The following LRRTM4 variants were observed in gnomAD, a reference collection of about 807,000 sequenced individuals.
LRRTM4 encodes the protein leucine-rich repeat transmembrane neuronal protein 4.
LRRTM4 carries 25 observed loss-of-function variants against 47.6 expected under a neutral mutation model. The ratio of observed to expected loss-of-function variants is 0.53; its 90% CI spans 0.38 to 0.73. The LOEUF is 0.73. LRRTM4 is among the 30% of genes least tolerant of loss of function. The pLI is 0.00. For synonymous variants in LRRTM4, 311 were observed against 269.5 expected, an observed-to-expected ratio of 1.15 and a Z score of -1.51; for missense variants, 638 against 713.4, an observed-to-expected ratio of 0.89 and a Z score of 1.20.
At chr2:77,244,567 T>C (rs912800578) in intron 3 of LRRTM4, among the ~76,000 whole-genome samples, 1 of 152,114 alleles carries the variant, frequency 6.6e-6, no homozygotes, top group Non-Finnish European at 1.5e-5. Flanking sequence ...GCTTCAGAAA[T>C]AGCCCCCAAG....
chr2:77,026,931 T>C (rs1301476377), intron 3 of LRRTM4, among the ~76,000 whole-genome samples: 1 of 152,152 alleles, frequency 6.6e-6, no homozygotes, highest in Non-Finnish European at 1.5e-5. Flanking sequence ...GGAAAATATA[T>C]GGCACAACTT....
At chr2:76,899,232 C>T (rs1306510253) in intron 3 of LRRTM4, among the ~76,000 whole-genome samples, 1 of 151,292 alleles carries the variant, frequency 6.6e-6, no homozygotes, top group Non-Finnish European at 1.5e-5. Context: ...GATGCTGGGA[C>T]ACAGAAGTGA....
At chr2:76,881,104 A>G (rs1672916060) in intron 3 of LRRTM4, among the ~76,000 whole-genome samples, 1 of 152,148 alleles carries the variant, frequency 6.6e-6, no homozygotes, top group Non-Finnish European at 1.5e-5. Flanking sequence ...TTCCCAACAC[A>G]CAGAAATAAT....
chr2:76,900,741 T>C (rs147411211), intron 3 of LRRTM4, among the ~76,000 whole-genome samples: 9 of 152,338 alleles, frequency 5.9e-5, no homozygotes, highest in African/African-American at 1.9e-4. Flanking sequence ...AGGTGGCATA[T>C]CTATTCAATG....
At chr2:77,179,529 G>A (rs569272674) in intron 3 of LRRTM4, among the ~76,000 whole-genome samples, 5 of 152,002 alleles carry the variant, frequency 3.3e-5, no homozygotes, top group Non-Finnish European at 5.9e-5. Flanking sequence ...ATTACTTGTC[G>A]TTCGTCAGTA....
At chr2:76,911,651 G>A (rs1674059993) in intron 3 of LRRTM4, among the ~76,000 whole-genome samples, 1 of 152,090 alleles carries the variant, frequency 6.6e-6, no homozygotes, top group African/African-American at 2.4e-5. Flanking sequence ...GAGCCAGAGA[G>A]AGAAGAGGTA....
At chr2:77,072,822 A>AAAAC (rs1379948897) in intron 3 of LRRTM4, among the ~76,000 whole-genome samples, 3 of 151,476 alleles carry the variant, frequency 2.0e-5, no homozygotes, top group Non-Finnish European at 2.9e-5. Flanking sequence ...AAAAAAAAAA[A>AAAAC]ACAAAGGCTG....
chr2:76,859,155 A>G (rs1486305820), intron 3 of LRRTM4, among the ~76,000 whole-genome samples: 2 of 152,226 alleles, frequency 1.3e-5, no homozygotes, highest in African/African-American at 4.8e-5. Flanking sequence ...GAAAGGACTG[A>G]AAAGTATCAT....
rs1558668220 is a variant in LRRTM4, at chr2:76,807,941, C to CTTTA, written c.1552-59026_1552-59025insTAAA. 4.5e-3 allele frequency among the ~76,000 whole-genome samples: 605 copies of CTTTA among 133,356 alleles called. 4 individuals are homozygous for CTTTA. The highest frequency in any genetic ancestry group is 6.4e-3 in the Non-Finnish European group (418 of 64,920). The allele number at this position is 133,356 out of a possible 152,430, so 87.5% of individuals were successfully genotyped here. Reference sequence around the variant, plus strand: ...TTCCTTTCTTTCCTTTCCTTTCTTTCTTTCTTTCTTTCTTTTTCTTTTTCT... The same window carrying CTTTA: ...TTCCTTTCTTTCCTTTCCTTTCTTTCTTTATTTCTTTCTTTCTTTTTCTTTTTCT... On this transcript the variant is annotated intron_variant, in intron 3 of 3. Coordinates refer to ENST00000409884, the MANE Select transcript of LRRTM4 (RefSeq NM_001134745.3).
At chr2:77,136,041 T>C (rs531959698) in intron 3 of LRRTM4, among the ~76,000 whole-genome samples, 6 of 152,186 alleles carry the variant, frequency 3.9e-5, no homozygotes, top group African/African-American at 1.4e-4. Flanking sequence ...GATGGCCGAA[T>C]AGGAACAGCT....
intron 3 of LRRTM4, among the ~76,000 whole-genome samples, chr2:77,354,709 C>T (rs1188571484): frequency 1.3e-5 from 2 of 152,132 alleles, no homozygotes; most frequent in Non-Finnish European, 2.9e-5. Context: ...CTCAGAGGTA[C>T]TTTCAGCTCT....
chr2:77,247,542 A>C (rs575471982), intron 3 of LRRTM4, among the ~76,000 whole-genome samples: 34 of 152,188 alleles, frequency 2.2e-4, no homozygotes, highest in Non-Finnish European at 4.7e-4. Context: ...TACTTTGCTG[A>C]ATTCATTGCC....
chr2:77,496,770 G>A (rs538053179), intron 3 of LRRTM4, among the ~76,000 whole-genome samples: 1 of 151,674 alleles, frequency 6.6e-6, no homozygotes, highest in African/African-American at 2.4e-5. Flanking sequence ...GTCTGCTTTT[G>A]CATCATTATA....
intron 3 of LRRTM4, among the ~76,000 whole-genome samples, chr2:77,043,159 T>C (rs562763775): frequency 6.6e-6 from 1 of 151,934 alleles, no homozygotes; most frequent in Middle Eastern, 3.4e-3. Flanking sequence ...TATCTTTCAT[T>C]GTTATTGCTG....
At chr2:76,814,038 C>T (rs888961633) in intron 3 of LRRTM4, among the ~76,000 whole-genome samples, 19 of 152,036 alleles carry the variant, frequency 1.2e-4, no homozygotes, top group African/African-American at 4.3e-4. Context: ...CTCAGACTTT[C>T]CTTACTTTTG....
chr2:77,347,458 T>C (rs182093744), intron 3 of LRRTM4, among the ~76,000 whole-genome samples: 203 of 152,270 alleles, frequency 1.3e-3, no homozygotes, highest in African/African-American at 4.1e-3. Context: ...TTTGGAACAT[T>C]GTGTATAATA....
rs1474529956 is a variant in LRRTM4, at chr2:76,748,443, TC to T, written c.*251del. Reference sequence around the variant, plus strand: ...GAACTTGACACTCTTACTATTTACATCCGGGAGCATTTTTGTTTGTTTTATG... The same window carrying T: ...GAACTTGACACTCTTACTATTTACATCGGGAGCATTTTTGTTTGTTTTATG... On this transcript the variant is annotated 3_prime_UTR_variant, in exon 4 of 4. Transcript: ENST00000409884. 1.9e-6 allele frequency: 1 copy of T among 516,358 alleles called. No homozygotes were observed. Among genetic ancestry groups the T allele is most frequent in the African/African-American group, 1.9e-5 (1 of 52,226 alleles). 32.0% of individuals were successfully genotyped at this position (516,358 alleles called of 1,614,324 possible).
At chr2:77,379,097 T>TATAGTG (rs1319098911) in intron 3 of LRRTM4, among the ~76,000 whole-genome samples, 3 of 152,156 alleles carry the variant, frequency 2.0e-5, no homozygotes, top group African/African-American at 7.2e-5. Context: ...ATTGTACTTA[T>TATAGTG]ATAGTGATAT....
At chr2:77,306,276 T>C (rs978612059) in intron 3 of LRRTM4, among the ~76,000 whole-genome samples, 2 of 152,200 alleles carry the variant, frequency 1.3e-5, no homozygotes, top group Non-Finnish European at 2.9e-5. Flanking sequence ...TTTTGTGTTC[T>C]TTTGCATACT....
Sources: gnomAD v4.1 joint callset for allele counts (sites outside exome capture counted in the v4.1 genomes callset) on GRCh38, gnomAD v4.1.1 for gene constraint, MANE v1.5 for transcripts, NCBI Gene and HGNC (gene_info 2026-07-23, HGNC 2026-07-21) for gene names.